The following GAK variants were observed in gnomAD, a reference collection of about 807,000 sequenced individuals.
GAK encodes cyclin G associated kinase, also known as cyclin-G-associated kinase.
Under a neutral mutation model 143.9 loss-of-function variants are expected in GAK, and 79 were observed. That is an observed-to-expected ratio of 0.55 (90% CI 0.46 to 0.66). GAK has a LOEUF of 0.66. GAK is among the 30% of genes least tolerant of loss of function. The pLI, the probability that GAK is intolerant of heterozygous loss-of-function variation, is 0.00. For synonymous variants in GAK, 881 were observed against 765.5 expected (o/e 1.15, Z -2.49); for missense variants, 1,693 against 1,779.7 (o/e 0.95, Z 0.88).
chr4:877,829 G>C lies in GAK; in HGVS notation c.1662-20C>G. The C allele has an allele frequency of 6.4e-7, 1 of 1,555,818 alleles. No homozygotes were observed. Among genetic ancestry groups the C allele is most frequent in the African/African-American group, 1.4e-5 (1 of 73,670 alleles). ...ATGTACCTGGGGGCAGACGTGCCGCGTCACCACGTGACGTGCCCTGAGAGG... is the reference window on the plus strand; with the variant it reads ...ATGTACCTGGGGGCAGACGTGCCGCCTCACCACGTGACGTGCCCTGAGAGG... On this transcript the variant is annotated intron_variant, in intron 15 of 27. Transcript: ENST00000314167.
intron 21 of GAK, 27 bp from the exon 22 acceptor site, chr4:866,561 G>T (rs2306247): frequency 1.7e-5 from 28 of 1,606,466 alleles, no homozygotes; most frequent in Non-Finnish European, 2.4e-5. Flanking sequence ...GCATGGGGAG[G>T]ACTCAGCCCG....
In GAK at chr4:932,115, G is replaced by A; in HGVS notation, c.73C>T (p.Gln25Ter). 6.3e-7 allele frequency: 1 copy of A among 1,595,642 alleles called. No homozygotes were observed. The highest frequency in any genetic ancestry group is 1.1e-5 in the South Asian group (1 of 89,160). ...ACCGTCTGCCCCACGAAGTCACTCTGGTCGCGGCCGGAAGCACCGCCCAGG... is the reference window on the plus strand; with the variant it reads ...ACCGTCTGCCCCACGAAGTCACTCTAGTCGCGGCCGGAAGCACCGCCCAGG... Reference protein sequence around the residue: ...GSLGGASGRDQSDFVGQTVEL... With the variant: ...GSLGGASGRD The change falls in exon 1 of 28, where the codon CAG (glutamine) becomes TAG (stop). Residue 25 changes from glutamine (Q) to a stop codon, truncating the protein, a stop_gained. Coordinates refer to ENST00000314167, the MANE Select transcript of GAK (RefSeq NM_005255.4). LOFTEE classifies it high-confidence loss of function. The surrounding 1 kb of genome is among the most constrained non-coding windows in gnomAD (Gnocchi z 4.0).
chr4:872,655 C>A (rs1712929787), intron 18 of GAK: 1 of 152,446 alleles, frequency 6.6e-6, no homozygotes, highest in Non-Finnish European at 1.5e-5. Flanking sequence ...TTGGGCAGCC[C>A]CAGAGGGAGT....
intron 18 of GAK, among the ~76,000 whole-genome samples, chr4:875,808 G>A (rs1380886203): frequency 6.6e-6 from 1 of 152,240 alleles, no homozygotes; most frequent in East Asian, 1.9e-4. Flanking sequence ...CATGCGTGGT[G>A]GTGCAGATCT....
intron 1 of GAK, among the ~76,000 whole-genome samples, chr4:929,687 T>TAA (rs33930196): frequency 2.3e-3 from 335 of 145,352 alleles, no homozygotes; most frequent in African/African-American, 6.6e-3. Context: ...TCTCTTAAAT[T>TAA]AAAAAAAAAA....
intron 5 of GAK, among the ~76,000 whole-genome samples, chr4:898,966 G>C (rs368044091): frequency 1.3e-5 from 2 of 152,232 alleles, no homozygotes; most frequent in African/African-American, 4.8e-5. Flanking sequence ...GGGCATGGGA[G>C]CTCGGGCCAA....
At chr4:865,601 C>A (rs1577074104) in intron 22 of GAK, among the ~76,000 whole-genome samples, 4 of 152,356 alleles carry the variant, frequency 2.6e-5, no homozygotes, top group Admixed American at 2.6e-4. Flanking sequence ...GAGGTGGCTC[C>A]ACCTGGCTGA....
At chr4:884,242 C>T in intron 11 of GAK, 156 bp from the exon 12 acceptor site, 1 of 625,820 alleles carries the variant, frequency 1.6e-6, no homozygotes, top group Non-Finnish European at 2.8e-6. Context: ...GGCGTGTGGG[C>T]AGCTTCCCGG....
At chr4:864,990 C>T in intron 23 of GAK, 132 bp downstream of exon 23, 2 of 1,273,716 alleles carry the variant, frequency 1.6e-6, no homozygotes, top group Non-Finnish European at 1.1e-6. Flanking sequence ...GGAGCCCGCA[C>T]CACCAAGCAC....
At chr4:879,545 T>C (rs1028319199) in intron 15 of GAK, among the ~76,000 whole-genome samples, 2 of 152,174 alleles carry the variant, frequency 1.3e-5, no homozygotes, top group Admixed American at 1.3e-4. Context: ...GCGGCTGACA[T>C]CTTTCTTTTT....
intron 5 of GAK, among the ~76,000 whole-genome samples, chr4:902,596 C>CAAAAAA (rs768017849): frequency 4.9e-5 from 3 of 60,726 alleles, no homozygotes; most frequent in African/African-American, 8.2e-5. Context: ...GTGACTGACT[C>CAAAAAA]AAAAAAAAAA....
intron 4 of GAK, among the ~76,000 whole-genome samples, chr4:907,436 G>GGGAGAGGCTGAGGCCAGGCCC (rs781072434): frequency 9.8e-5 from 15 of 152,366 alleles, no homozygotes; most frequent in Non-Finnish European, 1.5e-4. Flanking sequence ...GAACAGACCC[G>GGGAGAGGCTGAGGCCAGGCCC]GGAGAGGCTG....
intron 7 of GAK, 108 bp downstream of exon 7, chr4:896,352 G>GT: frequency 1.3e-6 from 1 of 779,146 alleles, no homozygotes; most frequent in Non-Finnish European, 2.3e-6. Context: ...GGAAGAGGGG[G>GT]TGGAGGAGGC....
intron 1 of GAK, 101 bp downstream of exon 1, chr4:931,942 C>G (rs548945797): frequency 1.0e-5 from 9 of 878,692 alleles, no homozygotes; most frequent in Non-Finnish European, 1.6e-5. Context: ...GGACCCTCCC[C>G]AGCCCTAACC....
chr4:878,206 C>A (rs764486801), intron 15 of GAK, among the ~76,000 whole-genome samples: 1 of 152,062 alleles, frequency 6.6e-6, no homozygotes, highest in Non-Finnish European at 1.5e-5. Context: ...CTGGGCAACA[C>A]GGTGAAACCC....
In GAK at chr4:932,286, G is replaced by A. The variant is rs1332035066; in HGVS notation, c.-99C>T. ...CAGCTCAGCAACCGCCGGCCCGGAG[G>A]TGCACCATCTTCCGCCTCGACGCCG... On this transcript the variant is annotated 5_prime_UTR_variant, in exon 1 of 28. Transcript: ENST00000314167. The surrounding 1 kb of genome is among the most constrained non-coding windows in gnomAD (Gnocchi z 4.0). 9.3e-6 allele frequency: 13 copies of A among 1,395,234 alleles called. No homozygotes were observed. Among genetic ancestry groups the A allele is most frequent in the South Asian group, 8.0e-5 (5 of 62,632 alleles). 86.4% of individuals were successfully genotyped at this position (1,395,234 alleles called of 1,614,324 possible).
chr4:874,100 C>T (rs1713292210), intron 18 of GAK, among the ~76,000 whole-genome samples: 1 of 152,210 alleles, frequency 6.6e-6, no homozygotes, highest in Admixed American at 6.5e-5. Flanking sequence ...AACACATTCA[C>T]TCGGTTAATC....
In GAK at chr4:859,694, C is replaced by T. The variant is rs140272764; in HGVS notation, c.3195G>A (p.Pro1065=). ...AGCTGGCCTGAGAGCCACAAGGGGC[C>T]GGCTGACCTCCAGGAGAGAAGAGGG... ...EGPLFSPGGQ[P]APCGSQASWT... is the part of the protein sequence containing the mutation. The change falls in exon 24 of 28, where the codon CCG becomes CCA. Residue 1065 remains proline (P), a synonymous_variant. Coordinates refer to ENST00000314167, the MANE Select transcript of GAK (RefSeq NM_005255.4). The T allele has an allele frequency of 2.3e-5, 37 of 1,598,320 alleles. No individual in the cohort carries two copies. The African/African-American group carries it at 3.5e-4, about 15-fold the overall frequency.
chr4:932,000 A>C, intron 1 of GAK, 43 bp downstream of exon 1: 1 of 1,401,692 alleles, frequency 7.1e-7, no homozygotes, highest in Non-Finnish European at 9.9e-7. Context: ...TCCCGGAGAC[A>C]ACACTCCGCG....
Sources: gnomAD v4.1 joint callset for allele counts (sites outside exome capture counted in the v4.1 genomes callset) on GRCh38, gnomAD v4.1.1 for gene constraint, Gnocchi (gnomAD v3.1) non-coding constraint, MANE v1.5 for transcripts, NCBI Gene and HGNC (gene_info 2026-07-23, HGNC 2026-07-21) for gene names.